Variants in ADGRB3 observed in about 807,000 individuals in gnomAD.
ADGRB3 encodes the protein brain-specific angiogenesis inhibitor 3.
In ADGRB3, 37 loss-of-function variants were observed where a neutral mutation model predicts 193.4. That is an observed-to-expected ratio of 0.19 (90% CI 0.15 to 0.25). The LOEUF (loss-of-function observed/expected upper bound fraction) is 0.25, where lower values mean the gene tolerates loss of function less well. Ranked by LOEUF, ADGRB3 falls within the 10% of genes least tolerant of loss-of-function variation. The pLI, the probability that ADGRB3 is intolerant of heterozygous loss-of-function variation, is 1.00. For missense variants in ADGRB3, 1,637 were observed against 1,852.9 expected (o/e 0.88, Z 2.14); for synonymous variants, 690 against 644.2 (o/e 1.07, Z -1.08).
chr6:68,758,212 G>C (rs1349314491), intron 3 of ADGRB3, among the ~76,000 whole-genome samples: 1 of 151,824 alleles, frequency 6.6e-6, no homozygotes, highest in African/African-American at 2.4e-5. Flanking sequence ...CACATTTTTG[G>C]TACATATGAA....
intron 3 of ADGRB3, among the ~76,000 whole-genome samples, chr6:68,893,071 T>C (rs1766124249): frequency 6.6e-6 from 1 of 152,120 alleles, no homozygotes; most frequent in Non-Finnish European, 1.5e-5. Context: ...GCTCAGGGTA[T>C]TTTCTGGAAT....
intron 26 of ADGRB3, among the ~76,000 whole-genome samples, chr6:69,345,063 A>C (rs1299528739): frequency 6.6e-6 from 1 of 152,048 alleles, no homozygotes; most frequent in East Asian, 1.9e-4. Context: ...ACATTTGAGG[A>C]CAAAGCATTG....
chr6:69,272,188 C>T (rs1218830886), intron 20 of ADGRB3, among the ~76,000 whole-genome samples: 4 of 152,198 alleles, frequency 2.6e-5, no homozygotes, highest in African/African-American at 9.7e-5. Flanking sequence ...AAATTTCCAT[C>T]TGCATTTGGG....
At chr6:68,965,642 A>G (rs562401977) in intron 8 of ADGRB3, among the ~76,000 whole-genome samples, 74 of 152,250 alleles carry the variant, frequency 4.9e-4, no homozygotes, top group African/African-American at 1.8e-3. Context: ...GGTAATTGCT[A>G]CCTTACTTTA....
At chr6:69,340,046 T>C (rs914523286) in intron 26 of ADGRB3, among the ~76,000 whole-genome samples, 3 of 152,214 alleles carry the variant, frequency 2.0e-5, no homozygotes, top group Admixed American at 6.5e-5. Flanking sequence ...GCTTTTGATA[T>C]GGATGTTTAC....
chr6:68,665,619 G>A (rs1215905695), intron 3 of ADGRB3, among the ~76,000 whole-genome samples: 1 of 151,722 alleles, frequency 6.6e-6, no homozygotes, highest in Non-Finnish European at 1.5e-5. Flanking sequence ...ATAGTTACAC[G>A]ATAATGTTAA....
intron 17 of ADGRB3, among the ~76,000 whole-genome samples, chr6:69,201,756 A>G (rs1257321386): frequency 2.6e-5 from 4 of 152,048 alleles, no homozygotes. Context: ...AATTTCTTTT[A>G]TAACAGAATT....
At chr6:68,768,220 C>A (rs1482877656) in intron 3 of ADGRB3, among the ~76,000 whole-genome samples, 1 of 152,090 alleles carries the variant, frequency 6.6e-6, no homozygotes, top group Non-Finnish European at 1.5e-5. Context: ...CAGAAAAGAG[C>A]CCATATAGCC....
intron 20 of ADGRB3, among the ~76,000 whole-genome samples, chr6:69,244,665 G>A (rs1200435216): frequency 3.9e-5 from 6 of 152,086 alleles, no homozygotes; most frequent in Non-Finnish European, 7.4e-5. Context: ...CTCAGATGGG[G>A]ATGGTTAAGA....
At chr6:68,988,440 G>A (rs1769140024) in intron 10 of ADGRB3, among the ~76,000 whole-genome samples, 1 of 152,144 alleles carries the variant, frequency 6.6e-6, no homozygotes, top group Non-Finnish European at 1.5e-5. Flanking sequence ...GAAGTGGTGA[G>A]AAATTTAGAC....
intron 17 of ADGRB3, among the ~76,000 whole-genome samples, chr6:69,217,046 T>G (rs1444296314): frequency 6.6e-6 from 1 of 152,110 alleles, no homozygotes; most frequent in Non-Finnish European, 1.5e-5. Context: ...CTTGAAGCAA[T>G]AGGGGTATAT....
intron 17 of ADGRB3, among the ~76,000 whole-genome samples, chr6:69,162,466 G>A (rs1240964859): frequency 2.0e-5 from 3 of 152,032 alleles, no homozygotes; most frequent in Non-Finnish European, 4.4e-5. Context: ...GCGCAGCCTG[G>A]AGTAACAAGA....
chr6:69,338,872 A>C (rs753119760), intron 24 of ADGRB3, 44 bp from the exon 25 acceptor site: 1 of 1,564,982 alleles, frequency 6.4e-7, no homozygotes, highest in Non-Finnish European at 8.7e-7. Flanking sequence ...TTTGGTGACA[A>C]TTCAATATTT....
intron 3 of ADGRB3, among the ~76,000 whole-genome samples, chr6:68,923,661 T>C (rs574470156): frequency 6.6e-6 from 1 of 152,206 alleles, no homozygotes; most frequent in South Asian, 2.1e-4. Flanking sequence ...TGCACTGTTA[T>C]AATAAATGAT....
intron 20 of ADGRB3, among the ~76,000 whole-genome samples, chr6:69,274,755 G>A (rs1231795940): frequency 6.6e-6 from 1 of 151,888 alleles, no homozygotes; most frequent in East Asian, 1.9e-4. Context: ...GGCTCTGAAA[G>A]AAGCAATCAG....
chr6:69,331,527 C>T (rs538428133), intron 23 of ADGRB3: 2 of 985,176 alleles, frequency 2.0e-6, no homozygotes, highest in African/African-American at 3.5e-5. Context: ...GTTTTTTTCT[C>T]CCTTTAAGCT....
At chr6:69,251,932 A>G (rs530817047) in intron 20 of ADGRB3, among the ~76,000 whole-genome samples, 2 of 152,310 alleles carry the variant, frequency 1.3e-5, no homozygotes, top group South Asian at 4.1e-4. Flanking sequence ...AAATGTATAT[A>G]CAGTGAAATG....
chr6:68,691,458 C>G (rs1351158882), intron 3 of ADGRB3, among the ~76,000 whole-genome samples: 1 of 151,930 alleles, frequency 6.6e-6, no homozygotes, highest in Non-Finnish European at 1.5e-5. Context: ...CTAGCGGCAA[C>G]TTATATGCAC....
chr6:68,916,511 G>A (rs1766883868), intron 3 of ADGRB3, among the ~76,000 whole-genome samples: 1 of 152,128 alleles, frequency 6.6e-6, no homozygotes, highest in South Asian at 2.1e-4. Flanking sequence ...CAGTTCAGTG[G>A]TTTGGTGGAT....
Sources: gnomAD v4.1 joint callset for allele counts (sites outside exome capture counted in the v4.1 genomes callset) on GRCh38, gnomAD v4.1.1 for gene constraint, MANE v1.5 for transcripts, NCBI Gene and HGNC (gene_info 2026-07-23, HGNC 2026-07-21) for gene names.